Variants in CHCHD3 observed in about 807,000 individuals in gnomAD.
The protein encoded by CHCHD3 is MICOS complex subunit MIC19.
In CHCHD3, 20 loss-of-function variants were observed where a neutral mutation model predicts 38.2. The ratio of observed to expected loss-of-function variants is 0.52; its 90% CI spans 0.37 to 0.76. The LOEUF is 0.76. CHCHD3 is among the 30% of genes least tolerant of loss of function. CHCHD3 has a pLI of 0.00. For synonymous variants in CHCHD3, 82 were observed against 100.0 expected, an observed-to-expected ratio of 0.82 and a Z score of 1.07; for missense variants, 245 against 279.2, an observed-to-expected ratio of 0.88 and a Z score of 0.87.
intron 2 of CHCHD3, among the ~76,000 whole-genome samples, chr7:133,033,897 T>C (rs917409141): frequency 1.3e-5 from 2 of 152,006 alleles, no homozygotes; most frequent in Non-Finnish European, 2.9e-5. Flanking sequence ...CATTATTAAT[T>C]CAATAGAAAT....
intron 5 of CHCHD3, among the ~76,000 whole-genome samples, chr7:132,871,286 CATAAT>C (rs1222994886): frequency 2.0e-5 from 3 of 152,106 alleles, no homozygotes; most frequent in Admixed American, 1.3e-4. Flanking sequence ...CCAAATGATA[CATAAT>C]ATAATTTTTT....
intron 6 of CHCHD3, among the ~76,000 whole-genome samples, chr7:132,816,665 C>T (rs1028876141): frequency 1.3e-5 from 2 of 152,220 alleles, no homozygotes; most frequent in South Asian, 2.1e-4. Flanking sequence ...CCAGCTGCTG[C>T]TGTGCCTCCT....
At chr7:132,841,826 G>A (rs141248747) in intron 5 of CHCHD3, among the ~76,000 whole-genome samples, 1,528 of 152,242 alleles carry the variant, frequency 0.01, 37 homozygotes, top group African/African-American at 0.035. Flanking sequence ...GGCCGGGCAC[G>A]GTGGCTCATG....
intron 4 of CHCHD3, among the ~76,000 whole-genome samples, chr7:132,923,609 C>T (rs1343739486): frequency 1.3e-5 from 2 of 152,042 alleles, no homozygotes; most frequent in East Asian, 1.9e-4. Flanking sequence ...TTCTAATGTA[C>T]GTTCAGATCC....
chr7:132,882,461 CTATATATA>C (rs71178065), intron 5 of CHCHD3, among the ~76,000 whole-genome samples: 5,762 of 134,640 alleles, frequency 0.043, 153 homozygotes, highest in Non-Finnish European at 0.058. Context: ...ACAATATATT[CTATATATA>C]TATATATATA....
chr7:132,934,252 T>C (rs1810583389), intron 4 of CHCHD3, among the ~76,000 whole-genome samples: 1 of 152,176 alleles, frequency 6.6e-6, no homozygotes, highest in African/African-American at 2.4e-5. Context: ...GTGATGCCAA[T>C]GCTACTGCTC....
intron 1 of CHCHD3, among the ~76,000 whole-genome samples, chr7:133,075,909 A>G (rs896609364): frequency 6.6e-6 from 1 of 152,024 alleles, no homozygotes; most frequent in Non-Finnish European, 1.5e-5. Context: ...AATATAAAAA[A>G]TTAGCCAGGT....
At chr7:133,021,426 T>C (rs1311841563) in intron 3 of CHCHD3, among the ~76,000 whole-genome samples, 1 of 152,150 alleles carries the variant, frequency 6.6e-6, no homozygotes, top group Non-Finnish European at 1.5e-5. Flanking sequence ...CCACACACAG[T>C]TTTAGAAACA....
chr7:132,835,564 G>GTCA (rs1807759986), intron 6 of CHCHD3, among the ~76,000 whole-genome samples: 1 of 152,152 alleles, frequency 6.6e-6, no homozygotes, highest in African/African-American at 2.4e-5. Flanking sequence ...TCCAAACCTA[G>GTCA]TTCAGGCTGA....
intron 6 of CHCHD3, among the ~76,000 whole-genome samples, chr7:132,819,585 G>C (rs1017926349): frequency 6.6e-6 from 1 of 152,164 alleles, no homozygotes; most frequent in African/African-American, 2.4e-5. Flanking sequence ...GATACAGCTT[G>C]TACCTTAAAC....
At chr7:132,886,570 A>ATT (rs1438756563) in intron 4 of CHCHD3, among the ~76,000 whole-genome samples, 1 of 151,532 alleles carries the variant, frequency 6.6e-6, no homozygotes, top group Non-Finnish European at 1.5e-5. Context: ...TTTTCAACAT[A>ATT]TTTTTTGCTC....
At chr7:132,884,707 T>A (rs1809160261) in intron 5 of CHCHD3, among the ~76,000 whole-genome samples, 1 of 152,208 alleles carries the variant, frequency 6.6e-6, no homozygotes, top group Admixed American at 6.5e-5. Flanking sequence ...GGTCTATGTA[T>A]GAAATTAATC....
Position 133,070,237 on chromosome 7 carries a change from A to T in CHCHD3, c.82-8T>A, listed in dbSNP as rs767602557. 3 of 1,609,562 alleles carry T rather than the reference A, an allele frequency of 1.9e-6. No homozygotes were observed. The highest frequency in any genetic ancestry group is 2.5e-6 in the Non-Finnish European group (3 of 1,177,748). On this transcript the variant is annotated splice_region_variant and splice_polypyrimidine_tract_variant and intron_variant, in intron 1 of 7. Coordinates refer to ENST00000262570, the MANE Select transcript of CHCHD3 (RefSeq NM_017812.4). Reference sequence around the variant, plus strand: ...AATCACATTTTCCGAAAGCTGGAAAAGCAACATCAAAATAAAATCAATTAT... The same window carrying T: ...AATCACATTTTCCGAAAGCTGGAAATGCAACATCAAAATAAAATCAATTAT...
chr7:132,866,243 G>GT (rs778019250), intron 5 of CHCHD3, among the ~76,000 whole-genome samples: 9 of 152,186 alleles, frequency 5.9e-5, no homozygotes, highest in Non-Finnish European at 1.3e-4. Flanking sequence ...CAAAAAGTCT[G>GT]TGTTGTGTGG....
intron 5 of CHCHD3, among the ~76,000 whole-genome samples, chr7:132,872,057 C>G (rs917701112): frequency 1.3e-5 from 2 of 152,088 alleles, no homozygotes; most frequent in East Asian, 3.9e-4. Flanking sequence ...AATCTGCCAT[C>G]GAGGAAGGTT....
At chr7:132,859,123 C>T (rs1808419427) in intron 5 of CHCHD3, among the ~76,000 whole-genome samples, 1 of 152,094 alleles carries the variant, frequency 6.6e-6, no homozygotes, top group African/African-American at 2.4e-5. Flanking sequence ...AAAGAGATCA[C>T]CATCTATACA....
At chr7:133,032,149 A>C (rs1313219191) in intron 2 of CHCHD3, among the ~76,000 whole-genome samples, 1 of 152,180 alleles carries the variant, frequency 6.6e-6, no homozygotes, top group East Asian at 1.9e-4. Flanking sequence ...AAACATGTTT[A>C]TTATCCATTT....
intron 6 of CHCHD3, among the ~76,000 whole-genome samples, chr7:132,809,002 T>C (rs1807001304): frequency 6.6e-6 from 1 of 151,814 alleles, no homozygotes; most frequent in African/African-American, 2.4e-5. Context: ...CAGGCTGGAG[T>C]GCAGTGCTGT....
Position 132,935,048 on chromosome 7 carries a change from G to A in CHCHD3, c.369+40121C>T, listed in dbSNP as rs182382475. Among the ~76,000 whole-genome samples, 80 of 152,288 alleles carry A rather than the reference G, an allele frequency of 5.3e-4. 1 individual carries two copies. The highest frequency in any genetic ancestry group is 1.8e-3 in the African/African-American group (74 of 41,556). On this transcript the variant is annotated intron_variant, in intron 4 of 7. Transcript: ENST00000262570. Reference sequence around the variant, plus strand: ...GGAAAGACAAGTTCTGAGTATACTCGTGTAATCCAAACTCCACTGGACCCC... The same window carrying A: ...GGAAAGACAAGTTCTGAGTATACTCATGTAATCCAAACTCCACTGGACCCC...
Sources: allele counts gnomAD v4.1 joint callset (sites outside exome capture counted in the v4.1 genomes callset), GRCh38; gene constraint gnomAD v4.1.1; transcripts MANE v1.5; gene names NCBI Gene and HGNC (gene_info 2026-07-23, HGNC 2026-07-21).